The following DSCAML1 variants were observed in gnomAD, a reference collection of about 807,000 sequenced individuals.
DSCAML1 encodes the protein DS cell adhesion molecule like 1.
In DSCAML1, 38 loss-of-function variants were observed where a neutral mutation model predicts 200.5. The observed-to-expected ratio is 0.19, with a 90% CI of 0.15 to 0.25. DSCAML1 has a LOEUF of 0.25. Ranked by LOEUF, DSCAML1 falls within the 10% of genes least tolerant of loss-of-function variation. The pLI, the probability that DSCAML1 is intolerant of heterozygous loss-of-function variation, is 1.00. For synonymous variants in DSCAML1, 1,215 were observed against 1,165.0 expected, an observed-to-expected ratio of 1.04 and a Z score of -0.87; for missense variants, 2,223 against 2,858.8, an observed-to-expected ratio of 0.78 and a Z score of 5.07.
At chr11:117,510,185 T>G (rs1028875481) in intron 8 of DSCAML1, among the ~76,000 whole-genome samples, 3 of 152,182 alleles carry the variant, frequency 2.0e-5, no homozygotes, top group African/African-American at 7.2e-5. Context: ...TCTCTCATCA[T>G]CTCTCTTTGA....
At chr11:117,685,818 A>G (rs571221103) in intron 3 of DSCAML1, among the ~76,000 whole-genome samples, 1 of 152,270 alleles carries the variant, frequency 6.6e-6, no homozygotes, top group East Asian at 1.9e-4. Flanking sequence ...CAGTCCTGTC[A>G]TTCGTGAAGG....
At chr11:117,700,202 A>C (rs143136525) in intron 3 of DSCAML1, among the ~76,000 whole-genome samples, 66 of 152,358 alleles carry the variant, frequency 4.3e-4, no homozygotes, top group Admixed American at 7.2e-4. Flanking sequence ...TTTATTCATC[A>C]TAACAGTGCT....
chr11:117,572,526 C>A (rs530870647), intron 3 of DSCAML1, among the ~76,000 whole-genome samples: 1 of 152,302 alleles, frequency 6.6e-6, no homozygotes, highest in South Asian at 2.1e-4. Context: ...GGACTCCTTG[C>A]CCCATCCCCT....
rs759898702 is a variant in DSCAML1, at chr11:117,437,226, G to C, written c.4616C>G (p.Thr1539Arg). Residue 1539 changes from threonine (T) to arginine (R), a missense_variant, in exon 26 of 33, where the codon ACG (threonine) becomes AGG (arginine). By Grantham distance (71) the Thr-to-Arg change is moderately conservative. This residue lies in a region of DSCAML1 where 614 missense variants were observed against 739.1 expected (regional missense o/e 0.83). Coordinates refer to ENST00000651296, the MANE Select transcript of DSCAML1 (RefSeq NM_020693.4). This position sits in a 1 kb window ranked among gnomAD's most constrained non-coding sequence, Gnocchi z 5.3. ...GTACCACGTGGCCTCTCGCAGTTCC[G>C]TCAGAAACACCTCCCCGGAGCTGTT... ...RANSSGEVFL[T>R]ELREATWYEL... is the part of the protein sequence containing the mutation. 1.2e-6 allele frequency: 2 copies of C among 1,614,196 alleles called. 1 individual carries two copies. Among genetic ancestry groups the C allele is most frequent in the South Asian group, 2.2e-5 (2 of 91,080 alleles).
chr11:117,502,900 CTCA>C (rs927330098), intron 11 of DSCAML1, among the ~76,000 whole-genome samples: 5 of 152,190 alleles, frequency 3.3e-5, no homozygotes, highest in African/African-American at 9.6e-5. Context: ...GCCAAGTATG[CTCA>C]TCAAGGTCCC....
In DSCAML1 at chr11:117,449,342, T is replaced by C. The variant is rs149549479; in HGVS notation, c.3708+1207A>G. 2.9e-3 allele frequency among the ~76,000 whole-genome samples: 436 copies of C among 152,196 alleles called. 3 individuals are homozygous for C. The highest frequency in any genetic ancestry group is 0.014 in the Middle Eastern group (4 of 294). On this transcript the variant is annotated intron_variant, in intron 20 of 32. Transcript: ENST00000651296. ...GATGACGTTTGTGCACTTTGCTGCA[T>C]GTGAGGTAGTGGCCGTGAGGATGGA...
At chr11:117,707,056 T>A (rs1468409263) in intron 3 of DSCAML1, among the ~76,000 whole-genome samples, 1 of 152,202 alleles carries the variant, frequency 6.6e-6, no homozygotes, top group Non-Finnish European at 1.5e-5. Flanking sequence ...ACGGTCTTAC[T>A]TGGCTTTGGC....
intron 23 of DSCAML1, 111 bp downstream of exon 23, chr11:117,439,155 T>C: frequency 1.4e-6 from 2 of 1,469,550 alleles, no homozygotes; most frequent in Non-Finnish European, 1.9e-6. Context: ...CAGAGGTCTG[T>C]CTCTCCCTTG....
chr11:117,559,079 G>A (rs755077353), intron 3 of DSCAML1, among the ~76,000 whole-genome samples: 3 of 151,990 alleles, frequency 2.0e-5, no homozygotes, highest in Admixed American at 6.6e-5. Context: ...GACAACAGAC[G>A]TGGTGGTCTC....
chr11:117,617,675 T>TACAC (rs1555190802), intron 3 of DSCAML1, among the ~76,000 whole-genome samples: 6 of 107,740 alleles, frequency 5.6e-5, no homozygotes, highest in South Asian at 6.9e-4. Context: ...AACACACAGG[T>TACAC]ACACGCACAC....
At position 117,689,084 on chromosome 11, in the gene DSCAML1, GC is replaced by G. The variant is rs200823403; in HGVS notation, c.511+87706del. On this transcript the variant is annotated intron_variant, in intron 3 of 32. Transcript: ENST00000651296. Reference sequence around the variant, plus strand: ...ATCTTCCCAGGGGCTTCTGTTTCCGGCAGGTAACCTCACAACAGCTGCAGGA... The same window carrying G: ...ATCTTCCCAGGGGCTTCTGTTTCCGGAGGTAACCTCACAACAGCTGCAGGA... 5.3e-3 allele frequency among the ~76,000 whole-genome samples: 802 copies of G among 152,244 alleles called. 6 individuals carry two copies. Among genetic ancestry groups the G allele is most frequent in the African/African-American group, 0.018 (755 of 41,524 alleles).
intron 8 of DSCAML1, among the ~76,000 whole-genome samples, chr11:117,513,345 C>G (rs1225279568): frequency 6.6e-6 from 1 of 152,162 alleles, no homozygotes; most frequent in Non-Finnish European, 1.5e-5. Flanking sequence ...TCCCTCGCAA[C>G]AGCAGGGAAA....
intron 30 of DSCAML1, 76 bp downstream of exon 30, chr11:117,432,276 A>C: frequency 6.9e-7 from 1 of 1,442,526 alleles, no homozygotes; most frequent in Non-Finnish European, 9.2e-7. Flanking sequence ...TTAAAAAAAA[A>C]CACCACCTCT....
At chr11:117,710,660 C>T (rs2053830973) in intron 3 of DSCAML1, among the ~76,000 whole-genome samples, 1 of 152,184 alleles carries the variant, frequency 6.6e-6, no homozygotes, top group Admixed American at 6.5e-5. Context: ...CAGTGCCTAC[C>T]TGTGAGGTCA....
chr11:117,816,963 G>C (rs1015822993), intron 1 of DSCAML1, among the ~76,000 whole-genome samples: 2 of 152,204 alleles, frequency 1.3e-5, no homozygotes, highest in African/African-American at 4.8e-5. Flanking sequence ...AGGCCACCCA[G>C]CCAGGAAGTG....
At chr11:117,497,710 A>T (rs908300625) in intron 11 of DSCAML1, among the ~76,000 whole-genome samples, 1 of 152,218 alleles carries the variant, frequency 6.6e-6, no homozygotes, top group East Asian at 1.9e-4. Flanking sequence ...GGCATGGGCC[A>T]GGGTGGGGCC....
chr11:117,593,594 G>A (rs1045776902), intron 3 of DSCAML1, among the ~76,000 whole-genome samples: 7 of 152,232 alleles, frequency 4.6e-5, no homozygotes, highest in African/African-American at 1.7e-4. Flanking sequence ...GACTGGGCTG[G>A]GCAGGGCTTG....
Position 117,461,603 on chromosome 11 carries a change from G to A in DSCAML1, c.3266-7C>T, listed in dbSNP as rs2048484377. Reference sequence around the variant, plus strand: ...TCAGGGGGCTGGCTGGGCACTGCAGGGGGTAGGGGGAGAACCAAGGGTCCA... The same window carrying A: ...TCAGGGGGCTGGCTGGGCACTGCAGAGGGTAGGGGGAGAACCAAGGGTCCA... On this transcript the variant is annotated splice_polypyrimidine_tract_variant and splice_region_variant and intron_variant, in intron 17 of 32. Coordinates refer to ENST00000651296, the MANE Select transcript of DSCAML1 (RefSeq NM_020693.4). 1 of 1,609,580 alleles carries A rather than the reference G, an allele frequency of 6.2e-7. No individual in the cohort carries two copies. Among genetic ancestry groups the A allele is most frequent in the Non-Finnish European group, 8.5e-7 (1 of 1,179,686 alleles).
At chr11:117,730,929 T>G (rs2054206624) in intron 3 of DSCAML1, among the ~76,000 whole-genome samples, 1 of 152,174 alleles carries the variant, frequency 6.6e-6, no homozygotes, top group Non-Finnish European at 1.5e-5. Context: ...TATGATTCAA[T>G]TTATGTGAAT....
Sources: allele counts gnomAD v4.1 joint callset (sites outside exome capture counted in the v4.1 genomes callset), GRCh38; gene constraint gnomAD v4.1.1; regional missense constraint gnomAD v4.1.1; non-coding constraint Gnocchi (gnomAD v3.1); transcripts MANE v1.5; gene names NCBI Gene and HGNC (gene_info 2026-07-23, HGNC 2026-07-21).